Variants in GABRB1 observed in about 807,000 individuals in gnomAD.
GABRB1 encodes gamma-aminobutyric acid type A receptor subunit beta1, also known as gamma-aminobutyric acid receptor subunit beta-1.
A neutral mutation model predicts 51.6 loss-of-function variants in GABRB1; 17 were observed. The ratio of observed to expected loss-of-function variants is 0.33; its 90% CI spans 0.23 to 0.49. The LOEUF (loss-of-function observed/expected upper bound fraction) is 0.49, where lower values mean the gene tolerates loss of function less well. Ranked by LOEUF, GABRB1 falls within the 20% of genes least tolerant of loss-of-function variation. The probability of loss-of-function intolerance (pLI) is 0.99; values close to 1 mark genes in which losing one functional copy is unlikely to be tolerated. For missense variants in GABRB1, 410 were observed against 600.6 expected (o/e 0.68, Z 3.32); for synonymous variants, 247 against 218.9 (o/e 1.13, Z -1.14).
chr4:47,271,503 A>T (rs1022527431), intron 4 of GABRB1, among the ~76,000 whole-genome samples: 1 of 152,132 alleles, frequency 6.6e-6, no homozygotes, highest in Non-Finnish European at 1.5e-5. Flanking sequence ...CCACCATCCA[A>T]TATGGGGCAT....
At chr4:47,072,215 C>G (rs1398114160) in intron 3 of GABRB1, among the ~76,000 whole-genome samples, 2 of 152,152 alleles carry the variant, frequency 1.3e-5, no homozygotes, top group Non-Finnish European at 2.9e-5. Context: ...TATTATTACA[C>G]TGCAGTGCTT....
At chr4:47,280,762 C>T (rs973437689) in intron 4 of GABRB1, among the ~76,000 whole-genome samples, 1 of 151,672 alleles carries the variant, frequency 6.6e-6, no homozygotes, top group African/African-American at 2.4e-5. Context: ...ATCCTCCCAC[C>T]TCTGCCTCCA....
chr4:47,294,307 G>C (rs1005778748), intron 4 of GABRB1, among the ~76,000 whole-genome samples: 1 of 152,224 alleles, frequency 6.6e-6, no homozygotes, highest in Non-Finnish European at 1.5e-5. Context: ...GCGAGGCATT[G>C]CCTCACTCGG....
chr4:47,287,957 T>C (rs1376624501), intron 4 of GABRB1, among the ~76,000 whole-genome samples: 1 of 152,196 alleles, frequency 6.6e-6, no homozygotes, highest in African/African-American at 2.4e-5. Context: ...AGCTTTCAGA[T>C]ATGACCACAG....
chr4:47,178,188 A>T (rs1171197031), intron 4 of GABRB1, among the ~76,000 whole-genome samples: 1 of 152,126 alleles, frequency 6.6e-6, no homozygotes, highest in East Asian at 1.9e-4. Context: ...AAATGAGAAA[A>T]TGCATTCGGA....
At chr4:47,243,379 T>A (rs1721610380) in intron 4 of GABRB1, among the ~76,000 whole-genome samples, 1 of 152,244 alleles carries the variant, frequency 6.6e-6, no homozygotes. Flanking sequence ...GGCTCTTTTT[T>A]GGTTCCATAT....
chr4:47,001,570 T>C (rs185179599), intron 1 of GABRB1, among the ~76,000 whole-genome samples: 301 of 152,330 alleles, frequency 2.0e-3, no homozygotes, highest in Admixed American at 4.6e-3. Flanking sequence ...TTGAAGGCCT[T>C]AATAGGCAAA....
intron 4 of GABRB1, among the ~76,000 whole-genome samples, chr4:47,229,698 T>G (rs780655030): frequency 1.3e-5 from 2 of 152,112 alleles, no homozygotes; most frequent in Non-Finnish European, 2.9e-5. Flanking sequence ...AATGCAACCA[T>G]ATGTATCTTT....
chr4:47,384,441 G>T (rs1237545644), intron 5 of GABRB1, among the ~76,000 whole-genome samples: 2 of 150,794 alleles, frequency 1.3e-5, no homozygotes, highest in African/African-American at 4.9e-5. Flanking sequence ...GAAAGAAGGT[G>T]AATTTAAATA....
At chr4:47,043,323 G>T (rs1725937963) in intron 3 of GABRB1, 1 of 151,954 alleles carries the variant, frequency 6.6e-6, no homozygotes, top group South Asian at 2.1e-4. Flanking sequence ...GTCCTTGGTG[G>T]GTTATTTGTG....
intron 4 of GABRB1, among the ~76,000 whole-genome samples, chr4:47,164,338 T>C (rs1718082659): frequency 6.6e-6 from 1 of 152,078 alleles, no homozygotes; most frequent in Non-Finnish European, 1.5e-5. Context: ...GAAATGACAG[T>C]CTGCATTTTT....
chr4:47,393,918 A>G (rs907454204), intron 5 of GABRB1, among the ~76,000 whole-genome samples: 14 of 152,254 alleles, frequency 9.2e-5, no homozygotes, highest in African/African-American at 3.4e-4. Flanking sequence ...TGCAACGTCA[A>G]GTATATTTTC....
chr4:47,204,032 C>T (rs559243887), intron 4 of GABRB1, among the ~76,000 whole-genome samples: 173 of 152,248 alleles, frequency 1.1e-3, no homozygotes, highest in Non-Finnish European at 1.8e-3. Context: ...ATTACAGTTG[C>T]AGAAGATAAA....
At chr4:47,377,185 C>G (rs192643239) in intron 5 of GABRB1, among the ~76,000 whole-genome samples, 161 of 152,154 alleles carry the variant, frequency 1.1e-3, no homozygotes, top group African/African-American at 3.7e-3. Flanking sequence ...CTCTTGTTGC[C>G]CAGGCTGGAG....
intron 5 of GABRB1, among the ~76,000 whole-genome samples, chr4:47,347,763 A>G (rs1156755181): frequency 1.3e-5 from 2 of 152,172 alleles, no homozygotes; most frequent in African/African-American, 2.4e-5. Flanking sequence ...TCATTCATTG[A>G]CCAATGGTGA....
chr4:47,009,405 A>G (rs1258192987), intron 1 of GABRB1, among the ~76,000 whole-genome samples: 1 of 152,200 alleles, frequency 6.6e-6, no homozygotes, highest in Non-Finnish European at 1.5e-5. Flanking sequence ...GCTTACCTAT[A>G]TAATTTTAAA....
intron 4 of GABRB1, among the ~76,000 whole-genome samples, chr4:47,178,402 C>T (rs1178325712): frequency 6.6e-6 from 1 of 152,110 alleles, no homozygotes; most frequent in Non-Finnish European, 1.5e-5. Flanking sequence ...ATGATATCCG[C>T]TCCTGTCCTT....
chr4:47,056,617 G>T (rs1726616148), intron 3 of GABRB1, among the ~76,000 whole-genome samples: 1 of 152,050 alleles, frequency 6.6e-6, no homozygotes, highest in South Asian at 2.1e-4. Context: ...TGCCCTGAAA[G>T]ACTCAAGCCT....
intron 3 of GABRB1, among the ~76,000 whole-genome samples, chr4:47,104,608 C>A (rs934981549): frequency 6.6e-6 from 1 of 151,068 alleles, no homozygotes; most frequent in African/African-American, 2.4e-5. Context: ...GTATTCTGTT[C>A]TTTTTTGCTG....
Sources: allele counts gnomAD v4.1 joint callset (sites outside exome capture counted in the v4.1 genomes callset), GRCh38; gene constraint gnomAD v4.1.1; transcripts MANE v1.5; gene names NCBI Gene and HGNC (gene_info 2026-07-23, HGNC 2026-07-21).